The following ROR2 variants were observed in gnomAD, a reference collection of about 807,000 sequenced individuals.
The protein encoded by ROR2 is tyrosine-protein kinase transmembrane receptor ROR2.
In ROR2, 33 loss-of-function variants were observed where a neutral mutation model predicts 74.9. The observed-to-expected ratio is 0.44, with a 90% CI of 0.33 to 0.59. The LOEUF (loss-of-function observed/expected upper bound fraction) is 0.59. Among genes scored for constraint, ROR2 ranks in the 20% least tolerant of loss-of-function variants. The pLI is 0.02. For missense variants in ROR2, 1,216 were observed against 1,313.8 expected (o/e 0.93, Z 1.15); for synonymous variants, 586 against 558.7 (o/e 1.05, Z -0.69).
intron 1 of ROR2, among the ~76,000 whole-genome samples, chr9:91,936,545 A>G (rs1831694257): frequency 6.6e-6 from 1 of 152,222 alleles, no homozygotes; most frequent in Non-Finnish European, 1.5e-5. Flanking sequence ...ATAAGGTTAC[A>G]TTCTGAGGTA....
In ROR2 at chr9:91,775,687, C is replaced by CCT. The variant is rs1554758789; in HGVS notation, c.175+52_175+53dup. 2.8e-5 allele frequency: 43 copies of CCT among 1,545,662 alleles called. 1 individual carries two copies. The South Asian group carries it at 3.9e-4, about 14-fold the overall frequency. On this transcript the variant is annotated intron_variant, in intron 2 of 8. Coordinates refer to ENST00000375708, the MANE Select transcript of ROR2 (RefSeq NM_004560.4). ...TCAGGCAATGGCAGTGCAAGATGAG[C>CCT]CTCAGCACAGGGCATTTGGAGGACA...
intron 1 of ROR2, among the ~76,000 whole-genome samples, chr9:91,901,538 G>A (rs1830676261): frequency 6.6e-6 from 1 of 152,280 alleles, no homozygotes; most frequent in African/African-American, 2.4e-5. Flanking sequence ...GCTCTGGGAT[G>A]GGTGTGGTGG....
At chr9:91,821,682 A>G (rs1388857345) in intron 1 of ROR2, among the ~76,000 whole-genome samples, 2 of 152,206 alleles carry the variant, frequency 1.3e-5, no homozygotes, top group Non-Finnish European at 2.9e-5. Flanking sequence ...TCTTTCTGCT[A>G]TCCTCAAACA....
chr9:91,899,016 CAG>C (rs1385602890), intron 1 of ROR2, among the ~76,000 whole-genome samples: 4 of 152,218 alleles, frequency 2.6e-5, no homozygotes, highest in African/African-American at 9.6e-5. Context: ...GCTTTCCAAA[CAG>C]AGAGGGCAGC....
Position 91,724,266 on chromosome 9 carries a change from T to C in ROR2, c.2228A>G (p.His743Arg), listed in dbSNP as rs779943179. The C allele has an allele frequency of 6.2e-7, 1 of 1,613,528 alleles. No individual in the cohort carries two copies. Among genetic ancestry groups the C allele is most frequent in the Non-Finnish European group, 8.5e-7 (1 of 1,180,012 alleles). The change falls in exon 9 of 9, where the codon CAC becomes CGC. Residue 743 changes from histidine to arginine, a missense_variant. Coordinates refer to ENST00000375708, the MANE Select transcript of ROR2 (RefSeq NM_004560.4). Reference sequence around the variant, plus strand: ...GTTGCCCCAGGCTCGGAGCCGGCTGTGGATGTCCTTGAAGCGGGGCCGCCG... The same window carrying C: ...GTTGCCCCAGGCTCGGAGCCGGCTGCGGATGTCCTTGAAGCGGGGCCGCCG... Reference protein sequence around the residue: ...PSRRPRFKDIHSRLRAWGNLS... With the variant: ...PSRRPRFKDIRSRLRAWGNLS...
chr9:91,749,372 C>T (rs1489367518), intron 4 of ROR2, among the ~76,000 whole-genome samples: 1 of 152,178 alleles, frequency 6.6e-6, no homozygotes, highest in East Asian at 1.9e-4. Flanking sequence ...TCTCCTCCTG[C>T]CTTCCAGATG....
chr9:91,840,985 C>T lies in ROR2; in HGVS notation c.98-65167G>A, dbSNP rs147262178. ...TGATTTGCAAGACTGTGTCCAACTACCAAAGACAAGCTGAAACAGCTCCTT... is the reference window on the plus strand; with the variant it reads ...TGATTTGCAAGACTGTGTCCAACTATCAAAGACAAGCTGAAACAGCTCCTT... On this transcript the variant is annotated intron_variant, in intron 1 of 8. Transcript: ENST00000375708. Among the ~76,000 whole-genome samples, 124 of 152,344 alleles carry T rather than the reference C, an allele frequency of 8.1e-4. No individual in the cohort carries two copies. In the Middle Eastern group the frequency reaches 0.014, roughly 17 times the overall value.
At chr9:91,835,968 T>G (rs979301138) in intron 1 of ROR2, among the ~76,000 whole-genome samples, 4 of 152,228 alleles carry the variant, frequency 2.6e-5, no homozygotes, top group Non-Finnish European at 4.4e-5. Flanking sequence ...CTGTATAGCT[T>G]GAAAACAGCT....
chr9:91,735,069 C>T (rs1306704614), intron 5 of ROR2, among the ~76,000 whole-genome samples: 1 of 152,202 alleles, frequency 6.6e-6, no homozygotes, highest in African/African-American at 2.4e-5. Flanking sequence ...CTAAGAATGC[C>T]AAAGCTGTCA....
intron 1 of ROR2, among the ~76,000 whole-genome samples, chr9:91,780,036 G>A (rs995491198): frequency 1.1e-4 from 17 of 152,220 alleles, no homozygotes; most frequent in African/African-American, 3.9e-4. Flanking sequence ...ATGCCCGGTT[G>A]CTGTTAAGAG....
chr9:91,745,320 T>C (rs1825375542), intron 4 of ROR2, among the ~76,000 whole-genome samples: 1 of 151,786 alleles, frequency 6.6e-6, no homozygotes, highest in Non-Finnish European at 1.5e-5. Flanking sequence ...AGACGGGGTT[T>C]CTCCATGTTG....
intron 1 of ROR2, among the ~76,000 whole-genome samples, chr9:91,778,746 G>C (rs991952887): frequency 6.6e-6 from 1 of 152,172 alleles, no homozygotes; most frequent in African/African-American, 2.4e-5. Flanking sequence ...CCGTATGACA[G>C]GCACAGTGCC....
At chr9:91,862,268 T>G (rs545668234) in intron 1 of ROR2, among the ~76,000 whole-genome samples, 3 of 151,862 alleles carry the variant, frequency 2.0e-5, no homozygotes, top group African/African-American at 7.3e-5. Context: ...AAGCGGAGCT[T>G]GCAGTGAGCT....
chr9:91,802,667 A>C (rs1428922724), intron 1 of ROR2, among the ~76,000 whole-genome samples: 1 of 150,726 alleles, frequency 6.6e-6, no homozygotes, highest in African/African-American at 2.5e-5. Context: ...CAACAGCACC[A>C]GCAATGCCTC....
chr9:91,843,173 AC>A (rs1828833352), intron 1 of ROR2, among the ~76,000 whole-genome samples: 1 of 152,206 alleles, frequency 6.6e-6, no homozygotes, highest in South Asian at 2.1e-4. Context: ...TACAGAAAAA[AC>A]ACAGTGGCCT....
chr9:91,817,756 T>A (rs929996264), intron 1 of ROR2, among the ~76,000 whole-genome samples: 1 of 151,922 alleles, frequency 6.6e-6, no homozygotes, highest in African/African-American at 2.4e-5. Flanking sequence ...AAGTCAAGGC[T>A]GGGTTTAACG....
At chr9:91,863,261 A>G (rs1829523935) in intron 1 of ROR2, among the ~76,000 whole-genome samples, 1 of 152,208 alleles carries the variant, frequency 6.6e-6, no homozygotes, top group South Asian at 2.1e-4. Flanking sequence ...CCTGGCCTCA[A>G]GTGATCCTCC....
chr9:91,795,146 T>TA (rs1827126268), intron 1 of ROR2, among the ~76,000 whole-genome samples: 1 of 152,134 alleles, frequency 6.6e-6, no homozygotes. Flanking sequence ...TAATGCATTA[T>TA]ATAACAAAAT....
At chr9:91,938,192 G>A (rs2118023994) in intron 1 of ROR2, among the ~76,000 whole-genome samples, 1 of 152,314 alleles carries the variant, frequency 6.6e-6, no homozygotes, top group Non-Finnish European at 1.5e-5. Flanking sequence ...CAATCACAGT[G>A]GCACACCTCT....
Sources: allele counts gnomAD v4.1 joint callset (sites outside exome capture counted in the v4.1 genomes callset), GRCh38; gene constraint gnomAD v4.1.1; transcripts MANE v1.5; gene names NCBI Gene and HGNC (gene_info 2026-07-23, HGNC 2026-07-21).